The following CENPW variants were observed in gnomAD, a reference collection of about 807,000 sequenced individuals.
The protein encoded by CENPW is cancer-up-regulated gene 2 protein.
A neutral mutation model predicts 11.1 loss-of-function variants in CENPW; 3 were observed. The observed-to-expected ratio is 0.27, with a 90% CI of 0.12 to 0.70. The LOEUF (loss-of-function observed/expected upper bound fraction) is 0.70, where lower values mean the gene tolerates loss of function less well. Among genes scored for constraint, CENPW ranks in the 30% least tolerant of loss-of-function variants. CENPW has a pLI of 0.77. For missense variants in CENPW, 100 were observed against 105.6 expected (o/e 0.95, Z 0.23); for synonymous variants, 38 against 42.0 (o/e 0.91, Z 0.37).
At chr6:126,413,562 TGGC>T in the CENPW span, among the ~76,000 whole-genome samples, 1 of 152,070 alleles carries the variant, frequency 6.6e-6, no homozygotes, top group Non-Finnish European at 1.5e-5. Context: ...ACCACTAGAC[TGGC>T]TTTACAAGAA....
At chr6:126,357,591 C>T in the CENPW span, among the ~76,000 whole-genome samples, 1 of 151,836 alleles carries the variant, frequency 6.6e-6, no homozygotes, top group East Asian at 1.9e-4. Flanking sequence ...TGATTTCTTT[C>T]AGCAATATTT....
the CENPW span, among the ~76,000 whole-genome samples, chr6:126,480,558 A>G: frequency 1.9e-3 from 289 of 152,150 alleles, 2 homozygotes; most frequent in African/African-American, 6.7e-3. Flanking sequence ...ATCGTAATAT[A>G]TTTAATTTGT....
the CENPW span, among the ~76,000 whole-genome samples, chr6:126,396,326 A>G: frequency 1.3e-5 from 2 of 151,894 alleles, no homozygotes; most frequent in African/African-American, 4.8e-5. Context: ...CTCCACCACC[A>G]CCACCTCCTC....
chr6:126,385,072 C>T, the CENPW span, among the ~76,000 whole-genome samples: 35 of 152,062 alleles, frequency 2.3e-4, 1 homozygote, highest in Admixed American at 6.6e-4. Context: ...CTGTCTCATA[C>T]CAGTCAGAAT....
Position 126,346,249 on chromosome 6 carries a change from G to T in CENPW, c.171G>T (p.Glu57Asp), listed in dbSNP as rs771527178. The part of the protein sequence containing the change: ...CLLFVHRLAE[E>D]SRTNACASKC... ...TGTTTGTTCATCGATTAGCAGAAGA[G>T]TCCAGGACAAACGCTTGTGCGAGTA... Residue 57 changes from glutamate to aspartate, a missense_variant, in exon 2 of 3, where the codon GAG becomes GAT. By Grantham distance (45) the Glu-to-Asp change is conservative. Coordinates refer to ENST00000368328, the MANE Select transcript of CENPW (RefSeq NM_001012507.4). 6.2e-6 allele frequency: 10 copies of T among 1,608,806 alleles called. No individual in the cohort carries two copies. The South Asian group carries it at 1.1e-4, about 18-fold the overall frequency.
chr6:126,380,844 T>A, the CENPW span, among the ~76,000 whole-genome samples: 1 of 152,194 alleles, frequency 6.6e-6, no homozygotes, highest in Non-Finnish European at 1.5e-5. Flanking sequence ...AACAATGACA[T>A]AGGAACCTTT....
the CENPW span, among the ~76,000 whole-genome samples, chr6:126,363,549 A>G: frequency 6.6e-6 from 1 of 152,148 alleles, no homozygotes; most frequent in Admixed American, 6.5e-5. Flanking sequence ...CTGACATTTG[A>G]TACTATTTTA....
chr6:126,404,854 GT>G, the CENPW span, among the ~76,000 whole-genome samples: 63,797 of 137,674 alleles, frequency 0.46, 15,075 homozygotes, highest in East Asian at 0.94. Flanking sequence ...AAGTATTTGG[GT>G]TTTTTTTTTT....
chr6:126,405,493 TA>T, the CENPW span, among the ~76,000 whole-genome samples: 1 of 152,124 alleles, frequency 6.6e-6, no homozygotes, highest in Non-Finnish European at 1.5e-5. Flanking sequence ...TGAGGCCTTT[TA>T]TACTTCCATA....
downstream of CENPW, among the ~76,000 whole-genome samples, chr6:126,350,412 C>A (rs917955322): frequency 6.6e-6 from 1 of 152,014 alleles, no homozygotes; most frequent in Non-Finnish European, 1.5e-5. Context: ...TGTCCTCATA[C>A]GGAGGAAAAA....
At chr6:126,362,441 T>G in the CENPW span, among the ~76,000 whole-genome samples, 1 of 152,200 alleles carries the variant, frequency 6.6e-6, no homozygotes, top group Non-Finnish European at 1.5e-5. Context: ...AGCTGTTTGG[T>G]GCACCCAATT....
chr6:126,451,374 C>T, the CENPW span, among the ~76,000 whole-genome samples: 3 of 150,990 alleles, frequency 2.0e-5, no homozygotes, highest in Non-Finnish European at 3.0e-5. Context: ...TATCATTTTT[C>T]TCCCATTGGT....
chr6:126,340,240 C>A lies in CENPW; in HGVS notation c.-34C>A. ...CTTGTGTGCGATACAGAGAGCACCT[C>A]GGAAGCTGAGGCAGCTGGTACTTGA... On this transcript the variant is annotated 5_prime_UTR_variant, in exon 1 of 3. Coordinates refer to ENST00000368328, the MANE Select transcript of CENPW (RefSeq NM_001012507.4). 6.2e-7 allele frequency: 1 copy of A among 1,608,376 alleles called. No individual in the cohort carries two copies. Among genetic ancestry groups the A allele is most frequent in the Non-Finnish European group, 8.5e-7 (1 of 1,176,596 alleles).
chr6:126,344,412 T>G (rs1331607009), intron 1 of CENPW, among the ~76,000 whole-genome samples: 1 of 152,204 alleles, frequency 6.6e-6, no homozygotes, highest in African/African-American at 2.4e-5. Context: ...TGAAACTAGA[T>G]TCCCAGTCAA....
At chr6:126,406,741 A>T in the CENPW span, among the ~76,000 whole-genome samples, 4 of 151,974 alleles carry the variant, frequency 2.6e-5, no homozygotes, top group Admixed American at 1.3e-4. Flanking sequence ...AATCCCAGCT[A>T]CTTGAGAGGC....
chr6:126,436,438 C>T, the CENPW span, among the ~76,000 whole-genome samples: 1,083 of 151,910 alleles, frequency 7.1e-3, 12 homozygotes, highest in African/African-American at 0.024. Context: ...TTTTGAGGTC[C>T]TAGCTTTAGT....
At chr6:126,450,692 A>G in the CENPW span, among the ~76,000 whole-genome samples, 3 of 150,972 alleles carry the variant, frequency 2.0e-5, no homozygotes, top group Non-Finnish European at 4.5e-5. Context: ...TGAATTTTCC[A>G]CAGTATTATT....
chr6:126,357,543 T>C, the CENPW span, among the ~76,000 whole-genome samples: 1 of 152,298 alleles, frequency 6.6e-6, no homozygotes, highest in East Asian at 1.9e-4. Flanking sequence ...TATTCTTCTA[T>C]GAGCATGGAA....
the CENPW span, among the ~76,000 whole-genome samples, chr6:126,454,975 A>C: frequency 6.6e-6 from 1 of 151,376 alleles, no homozygotes; most frequent in Non-Finnish European, 1.5e-5. Context: ...CCTAGAAGAA[A>C]TGATAAATTC....
Sources: gnomAD v4.1 joint callset for allele counts (sites outside exome capture counted in the v4.1 genomes callset) on GRCh38, gnomAD v4.1.1 for gene constraint, MANE v1.5 for transcripts, NCBI Gene and HGNC (gene_info 2026-07-23, HGNC 2026-07-21) for gene names.